The following MCC variants were observed in gnomAD, a reference collection of about 807,000 sequenced individuals.
The protein encoded by MCC is colorectal mutant cancer protein.
Under a neutral mutation model 116.2 loss-of-function variants are expected in MCC, and 90 were observed. The observed-to-expected ratio is 0.77, with a 90% confidence interval of 0.65 to 0.92. MCC has a LOEUF of 0.92. Ranked by LOEUF, MCC falls within the 40% of genes least tolerant of loss-of-function variation. The pLI is 0.00. For synonymous variants in MCC, 578 were observed against 510.5 expected, an observed-to-expected ratio of 1.13 and a Z score of -1.78; for missense variants, 1,516 against 1,312.2, an observed-to-expected ratio of 1.16 and a Z score of -2.40.
At chr5:113,124,679 C>T (rs1482653022) in intron 5 of MCC, among the ~76,000 whole-genome samples, 1 of 152,206 alleles carries the variant, frequency 6.6e-6, no homozygotes, top group Non-Finnish European at 1.5e-5. Context: ...GCTGTTATTG[C>T]AGAAACATTC....
At chr5:113,452,054 C>T (rs1330913023) in intron 1 of MCC, among the ~76,000 whole-genome samples, 1 of 152,192 alleles carries the variant, frequency 6.6e-6, no homozygotes, top group Non-Finnish European at 1.5e-5. Flanking sequence ...GTCAATCCTC[C>T]AAGAGCTCTT....
At chr5:113,139,689 A>T (rs1178083387) in intron 5 of MCC, among the ~76,000 whole-genome samples, 2 of 152,238 alleles carry the variant, frequency 1.3e-5, no homozygotes, top group Non-Finnish European at 2.9e-5. Context: ...TGTGGAAGAC[A>T]GTGTGGTGAT....
chr5:113,146,395 C>G (rs1425423582), intron 4 of MCC, among the ~76,000 whole-genome samples: 1 of 16,616 alleles, frequency 6.0e-5, no homozygotes, highest in African/African-American at 1.7e-4. Flanking sequence ...AGCTCCCTGA[C>G]CTGAGTTTAT....
chr5:113,241,012 T>C (rs1764343403), intron 3 of MCC, among the ~76,000 whole-genome samples: 1 of 152,200 alleles, frequency 6.6e-6, no homozygotes, highest in African/African-American at 2.4e-5. Flanking sequence ...AACAGCCAGA[T>C]CCTCTGGATG....
chr5:113,260,062 A>C (rs966150582), intron 3 of MCC, among the ~76,000 whole-genome samples: 6 of 152,006 alleles, frequency 3.9e-5, no homozygotes, highest in Non-Finnish European at 5.9e-5. Context: ...ATTCAAGAGA[A>C]TCAATGACAT....
chr5:113,448,785 G>C (rs1352791395), intron 1 of MCC, among the ~76,000 whole-genome samples: 3 of 152,082 alleles, frequency 2.0e-5, no homozygotes, highest in Non-Finnish European at 4.4e-5. Flanking sequence ...AATGCTAATG[G>C]GGAAGAAGAA....
At chr5:113,339,354 C>G (rs1322227114) in intron 3 of MCC, among the ~76,000 whole-genome samples, 1 of 151,620 alleles carries the variant, frequency 6.6e-6, no homozygotes, top group African/African-American at 2.4e-5. Context: ...TCATAATAAA[C>G]TGATGTTGAC....
At chr5:113,463,534 A>G (rs574794201) in intron 1 of MCC, among the ~76,000 whole-genome samples, 24 of 152,294 alleles carry the variant, frequency 1.6e-4, no homozygotes, top group African/African-American at 5.1e-4. Context: ...GATCTTTCCA[A>G]GTTTGTTCTG....
At chr5:113,111,415 G>A in intron 6 of MCC, among the ~76,000 whole-genome samples, 1 of 152,192 alleles carries the variant, frequency 6.6e-6, no homozygotes, top group Admixed American at 6.5e-5. Context: ...GAATGTGTGT[G>A]CCCTGCGATG....
intron 6 of MCC, among the ~76,000 whole-genome samples, chr5:113,115,168 G>A (rs12187718): frequency 0.41 from 62,400 of 151,954 alleles, 15,328 homozygotes; most frequent in East Asian, 0.64. Flanking sequence ...CACTTGTTCC[G>A]GCCCCTGCAC....
intron 1 of MCC, among the ~76,000 whole-genome samples, chr5:113,400,306 A>G (rs1769649558): frequency 6.6e-6 from 1 of 151,878 alleles, no homozygotes; most frequent in Non-Finnish European, 1.5e-5. Flanking sequence ...TACTTTTAGT[A>G]GAGACAGGGT....
chr5:113,290,587 A>G (rs1283263238), intron 3 of MCC, among the ~76,000 whole-genome samples: 1 of 152,224 alleles, frequency 6.6e-6, no homozygotes, highest in African/African-American at 2.4e-5. Flanking sequence ...AAACCTTAAG[A>G]TATCTTCCTT....
intron 8 of MCC, among the ~76,000 whole-genome samples, chr5:113,091,103 C>G (rs1245347779): frequency 6.6e-6 from 1 of 152,216 alleles, no homozygotes; most frequent in African/African-American, 2.4e-5. Flanking sequence ...GCTGAAAGTG[C>G]TGTCCACAGA....
chr5:113,353,659 C>T (rs903061399), intron 2 of MCC, among the ~76,000 whole-genome samples: 4 of 152,136 alleles, frequency 2.6e-5, no homozygotes, highest in East Asian at 1.9e-4. Context: ...GAGGGTCACC[C>T]GTAGGATTCT....
intron 2 of MCC, among the ~76,000 whole-genome samples, chr5:113,358,942 T>C (rs751198145): frequency 3.9e-5 from 6 of 152,154 alleles, no homozygotes; most frequent in Non-Finnish European, 5.9e-5. Flanking sequence ...CACAGGCCAA[T>C]TGTCTTAAAA....
At chr5:113,238,590 T>C (rs1324337184) in intron 3 of MCC, among the ~76,000 whole-genome samples, 1 of 152,232 alleles carries the variant, frequency 6.6e-6, no homozygotes, top group African/African-American at 2.4e-5. Flanking sequence ...ATTGGTTGTA[T>C]ACAATTCAAA....
chr5:113,185,492 C>G (rs1488169292), intron 3 of MCC, among the ~76,000 whole-genome samples: 4 of 152,164 alleles, frequency 2.6e-5, no homozygotes, highest in South Asian at 4.1e-4. Flanking sequence ...TTCCTGGACA[C>G]ATGATGTCCC....
intron 1 of MCC, among the ~76,000 whole-genome samples, chr5:113,411,989 TG>T (rs2150403129): frequency 6.6e-6 from 1 of 152,370 alleles, no homozygotes; most frequent in Non-Finnish European, 1.5e-5. Flanking sequence ...TTTCTACATA[TG>T]GCTAGCCAGT....
chr5:113,437,228 G>A (rs1283362567), intron 1 of MCC: 1 of 152,174 alleles, frequency 6.6e-6, no homozygotes, highest in East Asian at 1.9e-4. Flanking sequence ...AGGCAATAGG[G>A]AAAGATAAGC....
Sources: gnomAD v4.1 joint callset for allele counts (sites outside exome capture counted in the v4.1 genomes callset) on GRCh38, gnomAD v4.1.1 for gene constraint, MANE v1.5 for transcripts, NCBI Gene and HGNC (gene_info 2026-07-23, HGNC 2026-07-21) for gene names.